Variants in DACH2 observed in about 807,000 individuals in gnomAD.
DACH2 encodes the protein dachshund homolog 2.
A neutral mutation model predicts 35.8 loss-of-function variants in DACH2; 17 were observed. That is an observed-to-expected ratio of 0.48 (90% CI 0.33 to 0.71). The LOEUF (loss-of-function observed/expected upper bound fraction) is 0.71. Ranked by LOEUF, DACH2 falls within the 30% of genes least tolerant of loss-of-function variation. The probability of loss-of-function intolerance (pLI) is 0.02; values close to 1 mark genes in which losing one functional copy is unlikely to be tolerated. For missense variants in DACH2, 469 were observed against 472.7 expected (o/e 0.99, Z 0.07); for synonymous variants, 195 against 177.3 (o/e 1.10, Z -0.79).
At chrX:86,751,286 T>C (rs2041769802) in intron 7 of DACH2, among the ~76,000 whole-genome samples, 1 of 109,895 alleles carries the variant, frequency 9.1e-6, no homozygotes, top group South Asian at 3.9e-4. Context: ...CATGATAGAG[T>C]AGGCGTCATC....
At chrX:86,280,558 A>G (rs1455204584) in intron 1 of DACH2, among the ~76,000 whole-genome samples, 1 of 111,807 alleles carries the variant, frequency 8.9e-6, no homozygotes, top group East Asian at 2.8e-4. Flanking sequence ...ATGGGCAAAA[A>G]CCAGGTAGCA....
At position 86,640,739 on chromosome X, in the gene DACH2, G is replaced by A. The variant is rs925991673; in HGVS notation, c.641-10297G>A. On this transcript the variant is annotated intron_variant, in intron 3 of 11. Coordinates refer to ENST00000373125, the MANE Select transcript of DACH2 (RefSeq NM_053281.3). ...GAGGGAACACAGCTGCAACTGTGAG[G>A]AAACATAGGGGAGCCACACAACCAA... Among the ~76,000 whole-genome samples, 4 of 111,199 alleles carry A rather than the reference G, an allele frequency of 3.6e-5. No individual in the cohort carries two copies. The Admixed American group carries it at 3.8e-4, about 11-fold the overall frequency.
chrX:86,239,010 C>CA (rs1421625097), intron 1 of DACH2, among the ~76,000 whole-genome samples: 2 of 110,967 alleles, frequency 1.8e-5, no homozygotes, highest in African/African-American at 6.5e-5. Flanking sequence ...ACTAGAAACT[C>CA]AAAAAAGTAA....
At chrX:86,168,511 CAG>C (rs1012404795) in intron 1 of DACH2, among the ~76,000 whole-genome samples, 3 of 110,383 alleles carry the variant, frequency 2.7e-5, no homozygotes, top group African/African-American at 9.9e-5. Context: ...GTGTTTTGAT[CAG>C]AGAGTTTAGT....
intron 7 of DACH2, among the ~76,000 whole-genome samples, chrX:86,802,381 T>C (rs753579333): frequency 3.9e-4 from 43 of 110,878 alleles, no homozygotes; most frequent in African/African-American, 1.4e-3. Flanking sequence ...CTACCTTCCA[T>C]TGACTCTTTC....
chrX:86,776,076 A>G (rs767760332), intron 7 of DACH2, among the ~76,000 whole-genome samples: 1 of 111,710 alleles, frequency 9.0e-6, no homozygotes, highest in African/African-American at 3.2e-5. Context: ...ACTATCTGTC[A>G]TAGGCACTAG....
chrX:86,200,381 A>G (rs778071680), intron 1 of DACH2, among the ~76,000 whole-genome samples: 1 of 111,573 alleles, frequency 9.0e-6, no homozygotes, highest in South Asian at 3.7e-4. Context: ...TCAGGCAAAG[A>G]TTTTATGCCA....
chrX:86,818,666 G>T (rs1450711948), intron 11 of DACH2, among the ~76,000 whole-genome samples: 1 of 110,525 alleles, frequency 9.0e-6, no homozygotes, highest in Non-Finnish European at 1.9e-5. Context: ...CATTGTTTGT[G>T]AGAGTCAGTT....
At chrX:86,637,375 C>T (rs192420586) in intron 3 of DACH2, among the ~76,000 whole-genome samples, 42 of 109,480 alleles carry the variant, frequency 3.8e-4, no homozygotes, top group African/African-American at 1.3e-3. Flanking sequence ...TACTATTCAA[C>T]TCAACAATCC....
At chrX:86,332,967 CTTA>C (rs1320169399) in intron 1 of DACH2, among the ~76,000 whole-genome samples, 1 of 111,583 alleles carries the variant, frequency 9.0e-6, no homozygotes, top group Non-Finnish European at 1.9e-5. Flanking sequence ...GTAATTTATG[CTTA>C]TTAGTTTTTC....
At chrX:86,825,601 T>C (rs1261431245) in intron 11 of DACH2, among the ~76,000 whole-genome samples, 1 of 111,978 alleles carries the variant, frequency 8.9e-6, no homozygotes, top group Non-Finnish European at 1.9e-5. Flanking sequence ...ATTCCATATA[T>C]GCCATATGTA....
intron 1 of DACH2, among the ~76,000 whole-genome samples, chrX:86,229,561 A>G (rs961960261): frequency 9.0e-6 from 1 of 111,651 alleles, no homozygotes; most frequent in Non-Finnish European, 1.9e-5. Context: ...TTTTGGCTGT[A>G]TGGTCATTTT....
At chrX:86,554,733 T>C (rs1465852701) in intron 3 of DACH2, among the ~76,000 whole-genome samples, 1 of 111,803 alleles carries the variant, frequency 8.9e-6, no homozygotes, top group Non-Finnish European at 1.9e-5. Context: ...CCAAGGAATA[T>C]TTTTTCTTCT....
At chrX:86,206,444 A>G (rs1245924148) in intron 1 of DACH2, among the ~76,000 whole-genome samples, 1 of 112,071 alleles carries the variant, frequency 8.9e-6, no homozygotes, top group Non-Finnish European at 1.9e-5. Flanking sequence ...GCCTGTCTAA[A>G]TGAACACTGT....
chrX:86,710,217 C>T (rs1235586788), intron 5 of DACH2, among the ~76,000 whole-genome samples: 4 of 112,035 alleles, frequency 3.6e-5, no homozygotes, highest in Non-Finnish European at 3.8e-5. Flanking sequence ...CTTGAAAAGA[C>T]TTGGGTGAAC....
At chrX:86,691,030 C>T (rs1395493436) in intron 4 of DACH2, among the ~76,000 whole-genome samples, 3 of 111,837 alleles carry the variant, frequency 2.7e-5, no homozygotes, top group Admixed American at 9.5e-5. Flanking sequence ...TGTTGGGTTA[C>T]GTTTATACTT....
At chrX:86,245,482 G>A (rs2033260029) in intron 1 of DACH2, among the ~76,000 whole-genome samples, 1 of 111,770 alleles carries the variant, frequency 8.9e-6, no homozygotes, top group Admixed American at 9.5e-5. Flanking sequence ...AGCAGAAGGT[G>A]TTTAACCTTG....
At chrX:86,610,369 CTTT>C (rs2039918226) in intron 3 of DACH2, among the ~76,000 whole-genome samples, 4 of 51,539 alleles carry the variant, frequency 7.8e-5, no homozygotes, top group South Asian at 2.9e-3. Context: ...CTTCCTCTTT[CTTT>C]CTTTCTTTCT....
chrX:86,189,754 G>A (rs4240068), intron 1 of DACH2, among the ~76,000 whole-genome samples: 45,863 of 110,612 alleles, frequency 0.41, 7,884 homozygotes, highest in Non-Finnish European at 0.55. Flanking sequence ...TGTCTTTCTG[G>A]TATTGAAACA....
Sources: allele counts gnomAD v4.1 joint callset (sites outside exome capture counted in the v4.1 genomes callset), GRCh38; gene constraint gnomAD v4.1.1; transcripts MANE v1.5; gene names NCBI Gene and HGNC (gene_info 2026-07-23, HGNC 2026-07-21).